The following SLC44A5 variants were observed in gnomAD, a reference collection of about 807,000 sequenced individuals.
SLC44A5 encodes the protein solute carrier family 44 member 5.
SLC44A5 carries 57 observed loss-of-function variants against 101.8 expected under a neutral mutation model. The observed-to-expected ratio is 0.56, with a 90% CI of 0.45 to 0.70. The LOEUF (loss-of-function observed/expected upper bound fraction) is 0.70, where lower values mean the gene tolerates loss of function less well. Ranked by LOEUF, SLC44A5 falls within the 30% of genes least tolerant of loss-of-function variation. SLC44A5 has a pLI of 0.00. For synonymous variants in SLC44A5, 281 were observed against 290.9 expected, an observed-to-expected ratio of 0.97 and a Z score of 0.35; for missense variants, 737 against 853.1, an observed-to-expected ratio of 0.86 and a Z score of 1.70.
intron 6 of SLC44A5, among the ~76,000 whole-genome samples, chr1:75,266,288 A>T (rs1650978096): frequency 6.6e-6 from 1 of 150,514 alleles, no homozygotes; most frequent in African/African-American, 2.5e-5. Flanking sequence ...ACACATCCTA[A>T]CATAGATGCA....
intron 20 of SLC44A5, 103 bp downstream of exon 20, chr1:75,214,502 A>G (rs1646922341): frequency 2.6e-6 from 2 of 771,414 alleles, no homozygotes; most frequent in South Asian, 2.2e-5. Flanking sequence ...GATAATATTC[A>G]TATCCAATAA....
At chr1:75,691,499 T>G in the SLC44A5 span, among the ~76,000 whole-genome samples, 1 of 152,194 alleles carries the variant, frequency 6.6e-6, no homozygotes, top group Non-Finnish European at 1.5e-5. Flanking sequence ...TAGAGGCACT[T>G]GATTTATTGA....
intron 4 of SLC44A5, among the ~76,000 whole-genome samples, chr1:75,322,042 G>T (rs1422708580): frequency 2.0e-5 from 3 of 152,132 alleles, no homozygotes; most frequent in Admixed American, 6.6e-5. Context: ...GGCCAGGTGT[G>T]GTGGCTCACG....
chr1:75,248,078 C>T (rs767321226), intron 7 of SLC44A5, among the ~76,000 whole-genome samples: 2 of 151,626 alleles, frequency 1.3e-5, no homozygotes, highest in Non-Finnish European at 2.9e-5. Flanking sequence ...GAGACAGGAA[C>T]CAAATGACAG....
At chr1:75,225,835 G>GTACATC (rs1557546029) in intron 13 of SLC44A5, among the ~76,000 whole-genome samples, 1 of 152,094 alleles carries the variant, frequency 6.6e-6, no homozygotes. Flanking sequence ...TTTCCTAAAG[G>GTACATC]TACATCTCTT....
chr1:75,279,533 A>C (rs532418428), intron 5 of SLC44A5, among the ~76,000 whole-genome samples: 12 of 152,284 alleles, frequency 7.9e-5, no homozygotes, highest in Non-Finnish European at 1.6e-4. Context: ...TTGTGAAATA[A>C]GAAATATTTG....
intron 5 of SLC44A5, among the ~76,000 whole-genome samples, chr1:75,284,814 T>C (rs948032318): frequency 3.3e-5 from 5 of 152,186 alleles, no homozygotes; most frequent in Admixed American, 2.6e-4. Flanking sequence ...ATCACATTTA[T>C]TGACTTGCAT....
At chr1:75,695,346 A>G in the SLC44A5 span, among the ~76,000 whole-genome samples, 1 of 152,332 alleles carries the variant, frequency 6.6e-6, no homozygotes, top group East Asian at 1.9e-4. Flanking sequence ...AACTAAATAT[A>G]TCAGATAACG....
intron 5 of SLC44A5, among the ~76,000 whole-genome samples, chr1:75,287,426 C>CTTTTTTTTTTTTTTTTTTTTTTTTTTTT (rs371647505): frequency 1.4e-5 from 1 of 69,910 alleles, no homozygotes; most frequent in African/African-American, 6.0e-5. Flanking sequence ...CTTCTGAATT[C>CTTTTTTTTTTTTTTTTTTTTTTTTTTTT]TTTTTTTTTT....
intron 1 of SLC44A5, among the ~76,000 whole-genome samples, chr1:75,594,360 T>C (rs977593481): frequency 3.9e-5 from 6 of 151,994 alleles, no homozygotes; most frequent in Non-Finnish European, 8.8e-5. Context: ...ACGACAGTAT[T>C]CTAAGCCGGA....
chr1:75,718,898 A>G, the SLC44A5 span, among the ~76,000 whole-genome samples: 3 of 152,342 alleles, frequency 2.0e-5, no homozygotes, highest in Non-Finnish European at 2.9e-5. Flanking sequence ...CCTTCTCTCT[A>G]TATGAGTTCT....
intron 1 of SLC44A5, among the ~76,000 whole-genome samples, chr1:75,571,555 CA>C (rs201550759): frequency 6.7e-5 from 10 of 150,044 alleles, no homozygotes; most frequent in African/African-American, 1.7e-4. Context: ...GCACAGTATT[CA>C]AAAAAAAACA....
At chr1:75,448,212 G>T (rs2799051) in intron 2 of SLC44A5, among the ~76,000 whole-genome samples, 35,896 of 151,984 alleles carry the variant, frequency 0.24, 5,355 homozygotes, top group East Asian at 0.8. Flanking sequence ...AAAGGCAGTG[G>T]GGAGGCTCTG....
chr1:75,662,388 G>C, the SLC44A5 span, among the ~76,000 whole-genome samples: 1 of 151,962 alleles, frequency 6.6e-6, no homozygotes, highest in Non-Finnish European at 1.5e-5. Flanking sequence ...AGAGGGGTTG[G>C]ATAATAGGTA....
upstream of SLC44A5, among the ~76,000 whole-genome samples, chr1:75,615,442 C>T (rs1269820930): frequency 3.5e-4 from 9 of 25,764 alleles, no homozygotes; most frequent in African/African-American, 4.0e-4. Flanking sequence ...TACATACACA[C>T]ACACACACAC....
At chr1:75,292,655 A>G (rs758090793) in intron 5 of SLC44A5, among the ~76,000 whole-genome samples, 3 of 152,224 alleles carry the variant, frequency 2.0e-5, no homozygotes, top group Non-Finnish European at 4.4e-5. Context: ...TGAAGATAAT[A>G]GATTGTTGAT....
chr1:75,577,973 C>T (rs1268438953), intron 1 of SLC44A5, among the ~76,000 whole-genome samples: 1 of 152,082 alleles, frequency 6.6e-6, no homozygotes, highest in Admixed American at 6.6e-5. Flanking sequence ...AGCTTCAAAA[C>T]AGTTTGTTTC....
At chr1:75,591,721 C>A (rs1263952921) in intron 1 of SLC44A5, among the ~76,000 whole-genome samples, 1 of 151,884 alleles carries the variant, frequency 6.6e-6, no homozygotes, top group Non-Finnish European at 1.5e-5. Flanking sequence ...AATGGTTCAA[C>A]ATATGCAAAT....
intron 2 of SLC44A5, among the ~76,000 whole-genome samples, chr1:75,468,865 G>A (rs1666960037): frequency 6.6e-6 from 1 of 152,070 alleles, no homozygotes; most frequent in Non-Finnish European, 1.5e-5. Context: ...TGTTTGAGGG[G>A]ATGGATACAC....
Sources: gnomAD v4.1 joint callset for allele counts (sites outside exome capture counted in the v4.1 genomes callset) on GRCh38, gnomAD v4.1.1 for gene constraint, MANE v1.5 for transcripts, NCBI Gene and HGNC (gene_info 2026-07-23, HGNC 2026-07-21) for gene names.